The following FOXK2 variants were observed in gnomAD, a reference collection of about 807,000 sequenced individuals.
The protein encoded by FOXK2 is forkhead box protein K2.
In FOXK2, 24 loss-of-function variants were observed where a neutral mutation model predicts 53.3. The observed-to-expected ratio is 0.45, with a 90% confidence interval of 0.33 to 0.63. The LOEUF is 0.63. Ranked by LOEUF, FOXK2 falls within the 30% of genes least tolerant of loss-of-function variation. The pLI is 0.03. For synonymous variants in FOXK2, 505 were observed against 407.1 expected (o/e 1.24, Z -2.89); for missense variants, 952 against 910.5 (o/e 1.05, Z -0.59).
intron 8 of FOXK2, among the ~76,000 whole-genome samples, chr17:82,590,460 G>A (rs934727655): frequency 2.0e-5 from 3 of 152,114 alleles, no homozygotes; most frequent in African/African-American, 4.8e-5. Flanking sequence ...TGGCCAGCAC[G>A]TCTTTTCATG....
At chr17:82,547,269 A>G (rs1429719868) in intron 1 of FOXK2, among the ~76,000 whole-genome samples, 1 of 152,182 alleles carries the variant, frequency 6.6e-6, no homozygotes, top group African/African-American at 2.4e-5. Context: ...CCCGGAAGTG[A>G]TCAAGGTGAT....
At chr17:82,597,672 CAG>C (rs1318025621) in intron 8 of FOXK2, among the ~76,000 whole-genome samples, 2 of 151,688 alleles carry the variant, frequency 1.3e-5, no homozygotes, top group Non-Finnish European at 2.9e-5. Flanking sequence ...TTTTTTGAGA[CAG>C]AGTTTTGCTT....
At chr17:82,531,407 A>G (rs1331181412) in intron 1 of FOXK2, among the ~76,000 whole-genome samples, 1 of 152,172 alleles carries the variant, frequency 6.6e-6, no homozygotes, top group Non-Finnish European at 1.5e-5. Context: ...GACTCCCCAA[A>G]GTGACTTTTT....
Position 82,601,685 on chromosome 17 carries a change from A to G in FOXK2, c.*186A>G. 3.5e-6 allele frequency: 2 copies of G among 564,344 alleles called. No individual in the cohort carries two copies. 35.0% of individuals were successfully genotyped at this position (564,344 alleles called of 1,614,324 possible). ...AGTCACACTTGAACAAAACCCACAC[A>G]CAACAAAACCTGATTTGGGAGACGG... On this transcript the variant is annotated 3_prime_UTR_variant, in exon 9 of 9. Coordinates refer to ENST00000335255, the MANE Select transcript of FOXK2 (RefSeq NM_004514.4).
intron 1 of FOXK2, 128 bp from the exon 2 acceptor site, chr17:82,563,226 G>T: frequency 1.2e-6 from 1 of 834,158 alleles, no homozygotes; most frequent in Non-Finnish European, 1.8e-6. Context: ...ATAATAACAC[G>T]GTGAGCTGAG....
chr17:82,535,712 C>T (rs190377090), intron 1 of FOXK2, among the ~76,000 whole-genome samples: 7 of 151,384 alleles, frequency 4.6e-5, no homozygotes, highest in African/African-American at 1.7e-4. Flanking sequence ...TTCACACACA[C>T]GTTGTTTTCC....
intron 7 of FOXK2, among the ~76,000 whole-genome samples, 182 bp from the exon 8 acceptor site, chr17:82,586,881 A>G (rs916596441): frequency 5.9e-5 from 9 of 152,120 alleles, no homozygotes; most frequent in Non-Finnish European, 8.8e-5. Context: ...AGCTTGGGTA[A>G]CGAGCGAAAC....
chr17:82,543,774 CTTTT>C (rs59720257), intron 1 of FOXK2, among the ~76,000 whole-genome samples: 13 of 112,294 alleles, frequency 1.2e-4, no homozygotes, highest in Admixed American at 1.9e-4. Context: ...GCATGCTTAG[CTTTT>C]TTTTTTTTTT....
chr17:82,601,836 G>GA lies in FOXK2; in HGVS notation c.*338dup, dbSNP rs2045389816. 1 of 229,332 alleles carries GA rather than the reference G, an allele frequency of 4.4e-6. No homozygotes were observed. Among genetic ancestry groups the GA allele is most frequent in the Non-Finnish European group, 8.7e-6 (1 of 115,312 alleles). The allele number at this position is 229,332 out of a possible 1,614,324, so 14.2% of individuals were successfully genotyped here. On this transcript the variant is annotated 3_prime_UTR_variant, in exon 9 of 9. Coordinates refer to ENST00000335255, the MANE Select transcript of FOXK2 (RefSeq NM_004514.4). ...CGCCTGCTGTGAGTGGGTCTCCCAA[G>GA]ACTAGGCCTCAGGACGCGGGGGGAG...
chr17:82,576,646 A>G, intron 4 of FOXK2: 4 of 1,141,472 alleles, frequency 3.5e-6, no homozygotes, highest in Non-Finnish European at 3.9e-6. Flanking sequence ...GCTGGCACAG[A>G]AGATGATTGA....
chr17:82,583,428 T>C lies in FOXK2; in HGVS notation c.1103+494T>C, dbSNP rs562558967. 1.1e-4 allele frequency among the ~76,000 whole-genome samples: 16 copies of C among 152,206 alleles called. No individual in the cohort carries two copies. The South Asian group carries it at 2.7e-3, about 26-fold the overall frequency. On this transcript the variant is annotated intron_variant, in intron 5 of 8. Coordinates refer to ENST00000335255, the MANE Select transcript of FOXK2 (RefSeq NM_004514.4). ...CGGGCGCGGTGGCGCGCGCCTGTAATCCCAGCTACTCGGGAGCCTGAGGCA... is the reference window on the plus strand; with the variant it reads ...CGGGCGCGGTGGCGCGCGCCTGTAACCCCAGCTACTCGGGAGCCTGAGGCA...
intron 3 of FOXK2, among the ~76,000 whole-genome samples, chr17:82,569,281 C>G (rs1315316552): frequency 1.3e-5 from 2 of 152,260 alleles, no homozygotes; most frequent in African/African-American, 2.4e-5. Context: ...CTGCGGCCGA[C>G]TACGGCGTCT....
chr17:82,562,889 T>G (rs1329057876), intron 1 of FOXK2, among the ~76,000 whole-genome samples: 1 of 151,762 alleles, frequency 6.6e-6, no homozygotes, highest in East Asian at 1.9e-4. Flanking sequence ...CACTGCAGCC[T>G]CGACCTTCTG....
At chr17:82,579,421 C>T (rs1352722838) in intron 4 of FOXK2, among the ~76,000 whole-genome samples, 4 of 152,194 alleles carry the variant, frequency 2.6e-5, no homozygotes, top group Non-Finnish European at 5.9e-5. Context: ...TACCTATAAA[C>T]AGTTTCACAA....
chr17:82,551,532 T>C (rs2044677454), intron 1 of FOXK2, among the ~76,000 whole-genome samples: 1 of 151,826 alleles, frequency 6.6e-6, no homozygotes, highest in African/African-American at 2.4e-5. Context: ...TTACAAAAAA[T>C]TAGCCAGGTG....
intron 1 of FOXK2, among the ~76,000 whole-genome samples, chr17:82,562,540 A>G (rs2044807994): frequency 6.6e-6 from 1 of 151,992 alleles, no homozygotes; most frequent in Non-Finnish European, 1.5e-5. Context: ...AGATAGCACC[A>G]TTGCACTCCA....
chr17:82,599,972 G>T (rs1355441771), intron 8 of FOXK2: 2 of 152,774 alleles, frequency 1.3e-5, no homozygotes, highest in Non-Finnish European at 2.9e-5. Flanking sequence ...TCCTGGGACA[G>T]CCTGAAGTGG....
chr17:82,528,573 GC>G (rs2044441459), intron 1 of FOXK2, among the ~76,000 whole-genome samples: 1 of 152,094 alleles, frequency 6.6e-6, no homozygotes, highest in African/African-American at 2.4e-5. Flanking sequence ...CATGTTTAAG[GC>G]ACACATTACC....
chr17:82,563,666 T>C, intron 2 of FOXK2, 118 bp downstream of exon 2: 1 of 831,252 alleles, frequency 1.2e-6, no homozygotes. Context: ...AGGTGGTGTT[T>C]AAAATATCAT....
Sources: gnomAD v4.1 joint callset for allele counts (sites outside exome capture counted in the v4.1 genomes callset) on GRCh38, gnomAD v4.1.1 for gene constraint, MANE v1.5 for transcripts, NCBI Gene and HGNC (gene_info 2026-07-23, HGNC 2026-07-21) for gene names.